The following WWTR1 variants were observed in gnomAD, a reference collection of about 807,000 sequenced individuals.
The protein encoded by WWTR1 is WW domain containing transcription regulator 1, also known as WW domain-containing transcription regulator protein 1.
Under a neutral mutation model 40.1 loss-of-function variants are expected in WWTR1, and 13 were observed. The observed-to-expected ratio is 0.32, with a 90% CI of 0.21 to 0.52. The LOEUF (loss-of-function observed/expected upper bound fraction) is 0.52. Ranked by LOEUF, WWTR1 falls within the 20% of genes least tolerant of loss-of-function variation. The pLI, the probability that WWTR1 is intolerant of heterozygous loss-of-function variation, is 0.97. For missense variants in WWTR1, 436 were observed against 523.1 expected, an observed-to-expected ratio of 0.83 and a Z score of 1.63; for synonymous variants, 230 against 210.1, an observed-to-expected ratio of 1.09 and a Z score of -0.82.
exon 4 of WWTR1, chr3:149,724,181 T>C (rs1022544618): frequency 2.0e-5 from 3 of 152,182 alleles, no homozygotes; most frequent in Non-Finnish European, 2.9e-5. Context: ...GGGCTCCTTA[T>C]TTTCAAAAAC....
chr3:149,696,713 C>A (rs13069399), intron 1 of WWTR1, among the ~76,000 whole-genome samples: 1 of 152,132 alleles, frequency 6.6e-6, no homozygotes. Context: ...TATGGGTTCT[C>A]CCCTGTGGCA....
At chr3:149,714,270 G>A (rs903139712) in intron 5 of WWTR1, among the ~76,000 whole-genome samples, 2 of 152,186 alleles carry the variant, frequency 1.3e-5, no homozygotes, top group African/African-American at 4.8e-5. Context: ...GGGGCTGGGA[G>A]CAGGCAGGAG....
In WWTR1 at chr3:149,517,775, A is replaced by T. The variant is rs557875289; in HGVS notation, c.*3030T>A. On this transcript the variant is annotated 3_prime_UTR_variant, in exon 7 of 7. Transcript: ENST00000360632. ...CTAAAAATTACTTAGATTTAACAGA[A>T]TTGCAATTAGGTTTTGACAATGTAT... The T allele has an allele frequency of 6.6e-6, 1 of 152,354 alleles. No individual in the cohort carries two copies. Among genetic ancestry groups the T allele is most frequent in the South Asian group, 2.1e-4 (1 of 4,826 alleles). The allele number at this position is 152,354 out of a possible 1,614,324, so 9.4% of individuals were successfully genotyped here.
chr3:149,710,103 G>T (rs965931136), intron 5 of WWTR1, among the ~76,000 whole-genome samples: 2 of 151,968 alleles, frequency 1.3e-5, no homozygotes, highest in African/African-American at 4.8e-5. Context: ...ACTCCCAGTG[G>T]CCATCAAGGC....
intron 3 of WWTR1, among the ~76,000 whole-genome samples, chr3:149,559,719 G>A (rs1194260210): frequency 2.6e-5 from 4 of 152,192 alleles, no homozygotes; most frequent in Non-Finnish European, 5.9e-5. Flanking sequence ...GAACTTTGAG[G>A]AAACTCCTAT....
At chr3:149,550,198 A>G (rs1736549832) in intron 3 of WWTR1, among the ~76,000 whole-genome samples, 1 of 152,186 alleles carries the variant, frequency 6.6e-6, no homozygotes, top group Non-Finnish European at 1.5e-5. Flanking sequence ...TGGGGTATGT[A>G]CAAATGGACA....
At chr3:149,673,710 T>C (rs1714165891) in intron 1 of WWTR1, among the ~76,000 whole-genome samples, 1 of 152,208 alleles carries the variant, frequency 6.6e-6, no homozygotes, top group Non-Finnish European at 1.5e-5. Flanking sequence ...TGAAGTGTTC[T>C]TTACTTTGCT....
intron 5 of WWTR1, among the ~76,000 whole-genome samples, chr3:149,715,058 T>G (rs959923733): frequency 5.9e-5 from 9 of 152,160 alleles, no homozygotes; most frequent in Non-Finnish European, 1.3e-4. Flanking sequence ...GCAGGTCTCC[T>G]CTGAGCTATT....
At chr3:149,627,846 G>A (rs1247897432) in intron 2 of WWTR1, among the ~76,000 whole-genome samples, 1 of 152,008 alleles carries the variant, frequency 6.6e-6, no homozygotes, top group Non-Finnish European at 1.5e-5. Context: ...GCCGAGAAGG[G>A]GCAGATCACC....
chr3:149,577,137 A>G (rs759536334), intron 2 of WWTR1, among the ~76,000 whole-genome samples: 20 of 152,148 alleles, frequency 1.3e-4, no homozygotes, highest in Non-Finnish European at 2.6e-4. Flanking sequence ...AGCCTGGGCA[A>G]CAAGAGAGAA....
At chr3:149,695,679 TGAACTCAG>T (rs1206375214) in intron 1 of WWTR1, among the ~76,000 whole-genome samples, 1 of 147,406 alleles carries the variant, frequency 6.8e-6, no homozygotes, top group Non-Finnish European at 1.5e-5. Flanking sequence ...GAGAATTGCT[TGAACTCAG>T]GAGGCAGAGG....
At chr3:149,629,520 G>A (rs1315330940) in intron 2 of WWTR1, among the ~76,000 whole-genome samples, 1 of 152,140 alleles carries the variant, frequency 6.6e-6, no homozygotes, top group Non-Finnish European at 1.5e-5. Flanking sequence ...TCACTCCTAT[G>A]CTTTGCCATT....
intron 2 of WWTR1, among the ~76,000 whole-genome samples, chr3:149,596,589 G>A (rs1012830235): frequency 1.3e-5 from 2 of 152,184 alleles, no homozygotes; most frequent in African/African-American, 4.8e-5. Context: ...TAGTGGACCC[G>A]CCACTGGTAC....
At chr3:149,711,178 A>G (rs1378035502) in intron 5 of WWTR1, among the ~76,000 whole-genome samples, 1 of 151,090 alleles carries the variant, frequency 6.6e-6, no homozygotes, top group Non-Finnish European at 1.5e-5. Flanking sequence ...AAAAAAAAAA[A>G]AGGGAGGCTG....
intron 1 of WWTR1, among the ~76,000 whole-genome samples, chr3:149,696,963 A>T (rs7649871): frequency 0.029 from 4,446 of 152,084 alleles, 212 homozygotes; most frequent in African/African-American, 0.1. Context: ...TTTCCCCTTC[A>T]CCTGGCTAAC....
Position 149,572,948 on chromosome 3 carries a change from G to A in WWTR1, c.484C>T (p.Pro162Ser), listed in dbSNP as rs1479379430. The A allele has an allele frequency of 6.2e-7, 1 of 1,613,340 alleles. No homozygotes were observed. Among genetic ancestry groups the A allele is most frequent in the East Asian group, 2.2e-5 (1 of 44,882 alleles). ...WQDPRKAMNQ[P>S]LNHMNLHPAV... ...GGGTGGAGGTTCATATGATTCAGAGGCTGATTCATCGCCTTCCTAGGGTCT... is the reference window on the plus strand; with the variant it reads ...GGGTGGAGGTTCATATGATTCAGAGACTGATTCATCGCCTTCCTAGGGTCT... The change falls in exon 3 of 7, where the codon CCT becomes TCT. Residue 162 changes from proline to serine, a missense_variant. Pro to Ser is a moderately conservative substitution (Grantham distance 74). Transcript: ENST00000360632.
At chr3:149,689,281 T>G (rs1714742736) in intron 1 of WWTR1, among the ~76,000 whole-genome samples, 1 of 148,624 alleles carries the variant, frequency 6.7e-6, no homozygotes, top group Non-Finnish European at 1.5e-5. Flanking sequence ...CTTGGGAGGC[T>G]GAGGCAGGAA....
At chr3:149,619,093 T>C (rs1290181874) in intron 2 of WWTR1, among the ~76,000 whole-genome samples, 1 of 152,210 alleles carries the variant, frequency 6.6e-6, no homozygotes, top group African/African-American at 2.4e-5. Flanking sequence ...CATGTTTTCA[T>C]GGCACCTTTC....
chr3:149,585,121 C>CGCGTGTGTGTGTGT (rs1553795600), intron 2 of WWTR1, among the ~76,000 whole-genome samples: 6 of 144,414 alleles, frequency 4.2e-5, no homozygotes, highest in African/African-American at 1.0e-4. Context: ...TGATTTCTTT[C>CGCGTGTGTGTGTGT]GTGTGTGTGT....
Sources: allele counts gnomAD v4.1 joint callset (sites outside exome capture counted in the v4.1 genomes callset), GRCh38; gene constraint gnomAD v4.1.1; transcripts MANE v1.5; gene names NCBI Gene and HGNC (gene_info 2026-07-23, HGNC 2026-07-21).